ZNF532: variants seen among roughly 807,000 people sequenced by gnomAD.
ZNF532 encodes zinc finger protein 532.
ZNF532 carries 22 observed loss-of-function variants against 89.3 expected under a neutral mutation model. The ratio of observed to expected loss-of-function variants is 0.25; its 90% CI spans 0.18 to 0.35. The LOEUF (loss-of-function observed/expected upper bound fraction) is 0.35. Among genes scored for constraint, ZNF532 ranks in the 10% least tolerant of loss-of-function variants. The probability of loss-of-function intolerance (pLI) is 1.00; values close to 1 mark genes in which losing one functional copy is unlikely to be tolerated. For synonymous variants in ZNF532, 606 were observed against 649.6 expected, an observed-to-expected ratio of 0.93 and a Z score of 1.02; for missense variants, 1,132 against 1,643.4, an observed-to-expected ratio of 0.69 and a Z score of 5.38.
At chr18:58,969,260 A>G (rs73959552) in intron 7 of ZNF532, among the ~76,000 whole-genome samples, 5,925 of 152,238 alleles carry the variant, frequency 0.039, 373 homozygotes, top group African/African-American at 0.13. Context: ...GCTGGGGCCT[A>G]GGGTGAGACC....
At chr18:58,920,726 T>C in intron 3 of ZNF532, 93 bp downstream of exon 3, 1 of 843,222 alleles carries the variant, frequency 1.2e-6, no homozygotes, top group Non-Finnish European at 1.8e-6. Context: ...GGGAATGCAG[T>C]GAAATGGACG....
chr18:58,902,307 A>G (rs1272151046), intron 2 of ZNF532, among the ~76,000 whole-genome samples: 12 of 152,180 alleles, frequency 7.9e-5, no homozygotes, highest in Admixed American at 7.9e-4. Context: ...AGTCAAAAGC[A>G]AGAGTCACAG....
rs570272683 is a variant in ZNF532 at position 58,886,151 on chromosome 18, A to AT, written c.-18+20581dup. On this transcript the variant is annotated intron_variant, in intron 2 of 9. Transcript: ENST00000591808. ...GCCACCATGCCCAGCTAATTTTTGTATTTTTTTTTAGTAGAGACAGGGTTT... is the reference window on the plus strand; with the variant it reads ...GCCACCATGCCCAGCTAATTTTTGTATTTTTTTTTTAGTAGAGACAGGGTTT... Among the ~76,000 whole-genome samples, 1,127 of 149,698 alleles carry AT rather than the reference A, an allele frequency of 7.5e-3. 8 individuals carry two copies. The highest frequency in any genetic ancestry group is 0.026 in the African/African-American group (1,044 of 40,862).
At chr18:58,966,738 GTT>G (rs540133909) in intron 7 of ZNF532, among the ~76,000 whole-genome samples, 128 of 126,008 alleles carry the variant, frequency 1.0e-3, no homozygotes, top group African/African-American at 3.2e-3. Context: ...ATTTTTTTGT[GTT>G]TTTTTTTTTT....
At chr18:58,961,001 C>A (rs190454671) in intron 7 of ZNF532, among the ~76,000 whole-genome samples, 2 of 152,318 alleles carry the variant, frequency 1.3e-5, no homozygotes, top group Non-Finnish European at 2.9e-5. Flanking sequence ...TTGCTATAAC[C>A]CATCCTTCTT....
chr18:58,947,087 G>A (rs1427296856), intron 5 of ZNF532, among the ~76,000 whole-genome samples: 3 of 152,040 alleles, frequency 2.0e-5, no homozygotes, highest in Admixed American at 6.6e-5. Flanking sequence ...TTTCCTAAGC[G>A]GCTCCTTAGA....
chr18:58,873,941 A>G (rs1019949030), intron 2 of ZNF532, among the ~76,000 whole-genome samples: 2 of 152,174 alleles, frequency 1.3e-5, no homozygotes, highest in African/African-American at 4.8e-5. Flanking sequence ...GGTTATGTAA[A>G]TTCTAAACCA....
chr18:58,942,300 G>A (rs1050447683), intron 5 of ZNF532, among the ~76,000 whole-genome samples: 7 of 133,110 alleles, frequency 5.3e-5, no homozygotes, highest in Non-Finnish European at 9.4e-5. Flanking sequence ...GGGATTACAG[G>A]CGTGAGCCAC....
chr18:58,912,593 C>T (rs2145912681), intron 2 of ZNF532, among the ~76,000 whole-genome samples: 1 of 152,164 alleles, frequency 6.6e-6, no homozygotes, highest in East Asian at 1.9e-4. Flanking sequence ...CGGGGAGGAA[C>T]CTTTAGACCT....
chr18:58,977,214 T>C (rs960261875), intron 7 of ZNF532, among the ~76,000 whole-genome samples: 3 of 152,232 alleles, frequency 2.0e-5, no homozygotes, highest in Non-Finnish European at 4.4e-5. Flanking sequence ...AGACAGACAG[T>C]ATTTTTCTAT....
intron 7 of ZNF532, among the ~76,000 whole-genome samples, chr18:58,965,044 TTTTATTAG>T (rs1479533475): frequency 1.4e-5 from 2 of 148,040 alleles, no homozygotes; most frequent in African/African-American, 5.1e-5. Context: ...ATAATTTATA[TTTTATTAG>T]TTTATTTGAT....
rs189831127 is a variant in ZNF532 at position 58,938,376 on chromosome 18, A to G, written c.2529-1069A>G. Reference sequence around the variant, plus strand: ...TTAGAGTCTTTGTGTGAAAAAGATGAGATAGAGGAGAAATGTATCTTAGAT... The same window carrying G: ...TTAGAGTCTTTGTGTGAAAAAGATGGGATAGAGGAGAAATGTATCTTAGAT... On this transcript the variant is annotated intron_variant, in intron 4 of 9. Transcript: ENST00000591808. 2.9e-3 allele frequency among the ~76,000 whole-genome samples: 436 copies of G among 152,308 alleles called. 3 individuals carry two copies. The highest frequency in any genetic ancestry group is 4.3e-3 in the Non-Finnish European group (292 of 68,028).
intron 7 of ZNF532, among the ~76,000 whole-genome samples, chr18:58,975,119 G>C (rs2066894977): frequency 6.6e-6 from 1 of 152,136 alleles, no homozygotes; most frequent in Admixed American, 6.5e-5. Flanking sequence ...AGTGAATTTT[G>C]GAGGGACTGC....
At chr18:58,869,762 GTT>G (rs59118998) in intron 2 of ZNF532, among the ~76,000 whole-genome samples, 8 of 111,514 alleles carry the variant, frequency 7.2e-5, no homozygotes, top group African/African-American at 1.4e-4. Context: ...TGGAAGATCT[GTT>G]TTTTTTTTTT....
intron 5 of ZNF532, among the ~76,000 whole-genome samples, chr18:58,944,350 C>A (rs1052194379): frequency 2.0e-5 from 3 of 151,768 alleles, no homozygotes; most frequent in African/African-American, 4.8e-5. Flanking sequence ...CCCGCTCCCC[C>A]TCTCCTCCTC....
Position 58,869,289 on chromosome 18 carries a change from A to G in ZNF532, c.-18+3710A>G, listed in dbSNP as rs986697613. Among the ~76,000 whole-genome samples the G allele has an allele frequency of 8.5e-5, 13 of 152,228 alleles. 1 individual carries two copies. On this transcript the variant is annotated intron_variant, in intron 2 of 9. Coordinates refer to ENST00000591808, the MANE Select transcript of ZNF532 (RefSeq NM_001375912.1). ...TAAGACTCGCCGAGAAAGAGATCGT[A>G]GTGAACATTGTCTGAAGACACACGA...
Position 58,918,146 on chromosome 18 carries a change from G to A in ZNF532, c.-17-125G>A, listed in dbSNP as rs1568310494. Reference sequence around the variant, plus strand: ...TTGGACTCAGAGTTTCGTAGTTACCGTAAATGCAGTTACCTCCTTGCTCTT... The same window carrying A: ...TTGGACTCAGAGTTTCGTAGTTACCATAAATGCAGTTACCTCCTTGCTCTT... On this transcript the variant is annotated intron_variant, in intron 2 of 9. Coordinates refer to ENST00000591808, the MANE Select transcript of ZNF532 (RefSeq NM_001375912.1). 10 of 843,538 alleles carry A rather than the reference G, an allele frequency of 1.2e-5. 1 individual carries two copies. The highest frequency in any genetic ancestry group is 9.2e-5 in the South Asian group (5 of 54,204). 52.3% of individuals were successfully genotyped at this position (843,538 alleles called of 1,614,324 possible). A position where few individuals can be genotyped will look rare whatever the true frequency, so the allele number is the denominator to read the frequency against.
chr18:58,908,109 T>C (rs1388601551), intron 2 of ZNF532, among the ~76,000 whole-genome samples: 1 of 152,366 alleles, frequency 6.6e-6, no homozygotes, highest in South Asian at 2.1e-4. Context: ...TGTTTAATTA[T>C]GACAAGGCTC....
upstream of ZNF532, chr18:58,864,052 G>A (rs917835135): frequency 6.6e-6 from 1 of 152,154 alleles, no homozygotes. Context: ...GGCCACGTGA[G>A]CGCGGCTCTC....
Sources: allele counts gnomAD v4.1 joint callset (sites outside exome capture counted in the v4.1 genomes callset), GRCh38; gene constraint gnomAD v4.1.1; transcripts MANE v1.5; gene names NCBI Gene and HGNC (gene_info 2026-07-23, HGNC 2026-07-21).